ARHGAP1: variants seen among roughly 807,000 people sequenced by gnomAD.
The protein encoded by ARHGAP1 is Rho GTPase activating protein 1, also known as rho GTPase-activating protein 1.
ARHGAP1 carries 23 observed loss-of-function variants against 52.2 expected under a neutral mutation model. The ratio of observed to expected loss-of-function variants is 0.44; its 90% CI spans 0.32 to 0.62. The LOEUF is 0.62. ARHGAP1 is among the 20% of genes least tolerant of loss of function. ARHGAP1 has a pLI of 0.05. For synonymous variants in ARHGAP1, 210 were observed against 228.4 expected, an observed-to-expected ratio of 0.92 and a Z score of 0.73; for missense variants, 480 against 560.9, an observed-to-expected ratio of 0.86 and a Z score of 1.46.
At chr11:46,682,772 C>G (rs2064538855) in intron 4 of ARHGAP1, among the ~76,000 whole-genome samples, 1 of 152,188 alleles carries the variant, frequency 6.6e-6, no homozygotes, top group African/African-American at 2.4e-5. Flanking sequence ...CTGCCTAGGC[C>G]TGCAGTGAAA....
intron 2 of ARHGAP1, 58 bp downstream of exon 2, chr11:46,695,914 CAGA>C (rs2064649305): frequency 7.4e-6 from 12 of 1,611,964 alleles, no homozygotes; most frequent in South Asian, 4.4e-5. Flanking sequence ...CTCCCTTCAG[CAGA>C]AGGAGTGCTT....
chr11:46,682,303 G>A, intron 4 of ARHGAP1, 121 bp from the exon 5 acceptor site: 1 of 1,348,002 alleles, frequency 7.4e-7, no homozygotes, highest in South Asian at 1.3e-5. Context: ...CCCTCCCCTA[G>A]CACAGTCTGT....
chr11:46,677,690 G>A lies in ARHGAP1; in HGVS notation c.*1347C>T, dbSNP rs563642114. On this transcript the variant is annotated 3_prime_UTR_variant, in exon 13 of 13. Transcript: ENST00000311956. ...GGGCTGGCCGGGTGCAGTGGCTCACGCCTGGAATCCCAGCACTTTGGGAGG... is the reference window on the plus strand; with the variant it reads ...GGGCTGGCCGGGTGCAGTGGCTCACACCTGGAATCCCAGCACTTTGGGAGG... 200 of 247,028 alleles carry A rather than the reference G, an allele frequency of 8.1e-4. 2 individuals carry two copies. The highest frequency in any genetic ancestry group is 4.3e-3 in the South Asian group (121 of 28,074). 15.3% of individuals were successfully genotyped at this position (247,028 alleles called of 1,614,324 possible).
Position 46,677,374 on chromosome 11 carries a change from CA to C in ARHGAP1, c.*1662del, listed in dbSNP as rs2064485721. On this transcript the variant is annotated 3_prime_UTR_variant, in exon 13 of 13. Coordinates refer to ENST00000311956, the MANE Select transcript of ARHGAP1 (RefSeq NM_004308.5). ...GAAGAACCAGCAGCAGCCCAGGCCC[CA>C]GGGGGCTGGATGCACTGCTGATGGT... 6.6e-6 allele frequency: 1 copy of C among 152,498 alleles called. No homozygotes were observed. The highest frequency in any genetic ancestry group is 2.4e-5 in the African/African-American group (1 of 41,444). The allele number at this position is 152,498 out of a possible 1,614,324, so 9.4% of individuals were successfully genotyped here. A position where few individuals can be genotyped will look rare whatever the true frequency, so the allele number is the denominator to read the frequency against.
At position 46,678,814 on chromosome 11, in the gene ARHGAP1, C is replaced by T; in HGVS notation, c.*223G>A. 1 of 571,678 alleles carries T rather than the reference C, an allele frequency of 1.7e-6. No individual in the cohort carries two copies. The highest frequency in any genetic ancestry group is 3.1e-6 in the Non-Finnish European group (1 of 324,906). 35.4% of individuals were successfully genotyped at this position (571,678 alleles called of 1,614,324 possible). A position where few individuals can be genotyped will look rare whatever the true frequency, so the allele number is the denominator to read the frequency against. ...CAGCTCTGGAGAGCCCAGCAAAAGC[C>T]CGGTGTCCAGAGAGGCAGTGAGAAG... On this transcript the variant is annotated 3_prime_UTR_variant, in exon 13 of 13. Coordinates refer to ENST00000311956, the MANE Select transcript of ARHGAP1 (RefSeq NM_004308.5).
At chr11:46,699,714 A>G (rs1280524849) in intron 1 of ARHGAP1, among the ~76,000 whole-genome samples, 2 of 146,250 alleles carry the variant, frequency 1.4e-5, no homozygotes, top group Admixed American at 6.7e-5. Context: ...AAAAAAAAAA[A>G]GAAAAGAAAT....
intron 3 of ARHGAP1, chr11:46,695,044 G>A: frequency 5.5e-6 from 1 of 182,414 alleles, no homozygotes. Context: ...CCTAAGGGCA[G>A]CAACCACCTC....
In ARHGAP1 at chr11:46,677,982, C is replaced by G. The variant is rs994644520; in HGVS notation, c.*1055G>C. 2.3e-6 allele frequency: 1 copy of G among 435,450 alleles called. No individual in the cohort carries two copies. The highest frequency in any genetic ancestry group is 4.5e-6 in the Non-Finnish European group (1 of 220,740). The allele number at this position is 435,450 out of a possible 1,614,324, so 27.0% of individuals were successfully genotyped here. ...AAAGGTGGCCCTAGAGCCCCTTAAT[C>G]CCCTGGGGAAATTGCTAGAACCCAC... is the stretch of plus-strand genomic sequence containing the variant. On this transcript the variant is annotated 3_prime_UTR_variant, in exon 13 of 13. Transcript: ENST00000311956.
At chr11:46,685,887 G>A (rs1351349070) in intron 4 of ARHGAP1, among the ~76,000 whole-genome samples, 1 of 150,796 alleles carries the variant, frequency 6.6e-6, no homozygotes. Flanking sequence ...TGTTGGCCAG[G>A]ATGGTCTCAA....
At chr11:46,694,219 G>T (rs980007213) in intron 3 of ARHGAP1, among the ~76,000 whole-genome samples, 9 of 152,044 alleles carry the variant, frequency 5.9e-5, no homozygotes, top group African/African-American at 2.2e-4. Context: ...TTTGGGGCCT[G>T]GGTGTGTCCC....
intron 4 of ARHGAP1, among the ~76,000 whole-genome samples, chr11:46,683,655 T>G (rs1476419540): frequency 1.3e-5 from 2 of 151,928 alleles, no homozygotes; most frequent in African/African-American, 4.8e-5. Flanking sequence ...TTTTTTTTTT[T>G]TTGAGATGGA....
intron 3 of ARHGAP1, among the ~76,000 whole-genome samples, chr11:46,690,288 G>A (rs1287074764): frequency 1.3e-5 from 2 of 152,108 alleles, no homozygotes; most frequent in African/African-American, 4.8e-5. Context: ...TCGGGAGGCT[G>A]AGGCAGGAGA....
intron 3 of ARHGAP1, among the ~76,000 whole-genome samples, chr11:46,689,414 G>A (rs150533220): frequency 4.2e-4 from 64 of 152,292 alleles, no homozygotes; most frequent in African/African-American, 1.5e-3. Context: ...ATGGGTATGG[G>A]TGGTGAAAAT....
In ARHGAP1 at chr11:46,677,898, C is replaced by G. The variant is rs775345129; in HGVS notation, c.*1139G>C. 5.9e-5 allele frequency: 25 copies of G among 424,968 alleles called. No homozygotes were observed. The highest frequency in any genetic ancestry group is 5.3e-4 in the African/African-American group (25 of 47,170). The allele number at this position is 424,968 out of a possible 1,614,324, so 26.3% of individuals were successfully genotyped here. On this transcript the variant is annotated 3_prime_UTR_variant, in exon 13 of 13. Coordinates refer to ENST00000311956, the MANE Select transcript of ARHGAP1 (RefSeq NM_004308.5). The stretch of plus-strand genomic sequence containing the variant: ...CCAGAAGGCGGAGGTGTGCCGAGAT[C>G]GCGCCACTGCACTCCAGCCTGGTGA...
chr11:46,686,733 C>CTT (rs34162125), intron 4 of ARHGAP1: 17 of 134,324 alleles, frequency 1.3e-4, no homozygotes, highest in African/African-American at 3.6e-4. Context: ...CAGGCACTTT[C>CTT]TTTTTTTTTT....
chr11:46,685,338 T>C (rs1293782818), intron 4 of ARHGAP1, among the ~76,000 whole-genome samples: 1 of 151,598 alleles, frequency 6.6e-6, no homozygotes, highest in Non-Finnish European at 1.5e-5. Flanking sequence ...TCTTTTTTTT[T>C]TTTTTTGAGA....
intron 4 of ARHGAP1, among the ~76,000 whole-genome samples, chr11:46,685,674 CTCTTTTTT>C (rs1686632556): frequency 7.7e-6 from 1 of 129,570 alleles, no homozygotes; most frequent in Admixed American, 7.6e-5. Flanking sequence ...GGGCACAAGT[CTCTTTTTT>C]TTTTTTTTTT....
At position 46,680,392 on chromosome 11, in the gene ARHGAP1, T is replaced by A. The variant is rs2064515302; in HGVS notation, c.820+95A>T. On this transcript the variant is annotated intron_variant, in intron 9 of 12. Transcript: ENST00000311956. This position sits in a 1 kb window ranked among gnomAD's most constrained non-coding sequence, Gnocchi z 5.9. ...CAGGGCTGGGTGGGGACGTTGAGGC[T>A]TGCAGGACCTCCCTCTGCCCTGCCC... 1.3e-6 allele frequency: 2 copies of A among 1,575,394 alleles called. No individual in the cohort carries two copies. The highest frequency in any genetic ancestry group is 3.3e-5 in the Admixed American group (2 of 59,722).
At chr11:46,690,554 A>C (rs142892685) in intron 3 of ARHGAP1, among the ~76,000 whole-genome samples, 1 of 152,094 alleles carries the variant, frequency 6.6e-6, no homozygotes, top group Non-Finnish European at 1.5e-5. Context: ...TATGGACGAC[A>C]CTGGTTCTGA....
Sources: allele counts gnomAD v4.1 joint callset (sites outside exome capture counted in the v4.1 genomes callset), GRCh38; gene constraint gnomAD v4.1.1; non-coding constraint Gnocchi (gnomAD v3.1); transcripts MANE v1.5; gene names NCBI Gene and HGNC (gene_info 2026-07-23, HGNC 2026-07-21).